Variants in TPTE2 observed in about 807,000 individuals in gnomAD.
TPTE2 encodes phosphatidylinositol 3,4,5-trisphosphate 3-phosphatase TPTE2.
Under a neutral mutation model 78.6 loss-of-function variants are expected in TPTE2, and 53 were observed. That is an observed-to-expected ratio of 0.67 (90% CI 0.54 to 0.85). The LOEUF (loss-of-function observed/expected upper bound fraction) is 0.85. Among genes scored for constraint, TPTE2 ranks in the 40% least tolerant of loss-of-function variants. The pLI, the probability that TPTE2 is intolerant of heterozygous loss-of-function variation, is 0.00. For missense variants in TPTE2, 461 were observed against 623.0 expected, an observed-to-expected ratio of 0.74 and a Z score of 2.77; for synonymous variants, 175 against 206.2, an observed-to-expected ratio of 0.85 and a Z score of 1.30.
chr13:19,517,668 C>T (rs1367233573), intron 1 of TPTE2, among the ~76,000 whole-genome samples: 1 of 152,138 alleles, frequency 6.6e-6, no homozygotes, highest in Non-Finnish European at 1.5e-5. Context: ...GTTTTTACCT[C>T]GTATTGAGAA....
chr13:19,427,760 C>A (rs1200027054), intron 17 of TPTE2, among the ~76,000 whole-genome samples: 1 of 152,014 alleles, frequency 6.6e-6, no homozygotes, highest in African/African-American at 2.4e-5. Flanking sequence ...ATGGAGTGAC[C>A]AAAGATAGCT....
chr13:19,555,803 C>CTTTTTTTT, the TPTE2 span, among the ~76,000 whole-genome samples: 32 of 81,056 alleles, frequency 3.9e-4, 1 homozygote, highest in African/African-American at 9.6e-4. Context: ...CAACAAATTT[C>CTTTTTTTT]TTTTTTTTTT....
upstream of TPTE2, among the ~76,000 whole-genome samples, chr13:19,505,581 CATGT>C (rs1197084954): frequency 6.6e-6 from 1 of 152,050 alleles, no homozygotes; most frequent in Non-Finnish European, 1.5e-5. Flanking sequence ...AAGATATGAC[CATGT>C]AGCTGTAGCC....
chr13:19,516,810 G>GT (rs1171667897), intron 1 of TPTE2, among the ~76,000 whole-genome samples: 57 of 152,190 alleles, frequency 3.7e-4, no homozygotes, highest in African/African-American at 1.3e-3. Context: ...CTAAAATGTC[G>GT]TATTTTTAAG....
intron 4 of TPTE2, among the ~76,000 whole-genome samples, chr13:19,477,783 T>TA (rs909707504): frequency 1.8e-4 from 28 of 152,132 alleles, no homozygotes; most frequent in Non-Finnish European, 2.5e-4. Flanking sequence ...CTTTTTTGGT[T>TA]AAAAAAAGTG....
the TPTE2 span, chr13:19,560,601 G>A: frequency 6.2e-7 from 1 of 1,601,682 alleles, no homozygotes; most frequent in Non-Finnish European, 8.5e-7. Flanking sequence ...AGAGGTCACA[G>A]AGGGTAGCCA....
chr13:19,501,765 C>T (rs996385552), intron 1 of TPTE2, among the ~76,000 whole-genome samples: 1 of 151,764 alleles, frequency 6.6e-6, no homozygotes, highest in African/African-American at 2.4e-5. Flanking sequence ...GTCTAAAACA[C>T]CAAAAGCAAT....
the TPTE2 span, among the ~76,000 whole-genome samples, chr13:19,554,361 C>T: frequency 1.8e-5 from 2 of 113,414 alleles, no homozygotes; most frequent in Admixed American, 1.9e-4. Flanking sequence ...GGCGACAGAG[C>T]AAGATTCTGT....
rs575287099 is a variant in TPTE2 at position 19,450,186 on chromosome 13, T to C, written c.885-22A>G. The C allele has an allele frequency of 2.5e-6, 4 of 1,610,612 alleles. No homozygotes were observed. In the Admixed American group the frequency reaches 6.7e-5, roughly 27 times the overall value. ...CTCACTGATTTCAAGTTTAAGATTT[T>C]TAGTTAAAATATTTTCAAAAAATCA... is the stretch of plus-strand genomic sequence containing the variant. On this transcript the variant is annotated intron_variant, in intron 12 of 19. Transcript: ENST00000400230.
chr13:19,426,348 T>A, intron 18 of TPTE2, 77 bp downstream of exon 21: 2 of 1,043,826 alleles, frequency 1.9e-6, no homozygotes, highest in Non-Finnish European at 3.0e-6. Context: ...TTGTTGGGAA[T>A]TGTAGTAAAG....
At chr13:19,430,901 T>A (rs1054418941) in intron 16 of TPTE2, among the ~76,000 whole-genome samples, 1 of 152,004 alleles carries the variant, frequency 6.6e-6, no homozygotes, top group African/African-American at 2.4e-5. Flanking sequence ...GCGAGGTGGG[T>A]GGATTACTTG....
chr13:19,528,044 T>G (rs1484330772), intron 1 of TPTE2, among the ~76,000 whole-genome samples: 4 of 152,084 alleles, frequency 2.6e-5, no homozygotes, highest in African/African-American at 9.7e-5. Context: ...GTGTGGCAAC[T>G]GCAGTAAGTC....
At chr13:19,497,481 G>A (rs543197532) in intron 1 of TPTE2, among the ~76,000 whole-genome samples, 4 of 103,510 alleles carry the variant, frequency 3.9e-5, no homozygotes, top group East Asian at 2.9e-4. Flanking sequence ...TCCTCAAGTG[G>A]GTCCCTGACC....
chr13:19,479,456 CAA>C (rs1175350559), intron 4 of TPTE2, among the ~76,000 whole-genome samples: 2 of 151,936 alleles, frequency 1.3e-5, no homozygotes, highest in Admixed American at 1.3e-4. Context: ...GGGATAAAAA[CAA>C]ATCAATTAAT....
At chr13:19,465,279 C>G (rs1879191918) in exon 9 of TPTE2, 3 of 1,613,756 alleles carry the variant, frequency 1.9e-6, no homozygotes, top group Admixed American at 1.7e-5. Flanking sequence ...AGGTCTAGGT[C>G]AAATCCATCC....
At chr13:19,464,115 A>G (rs1879108296) in intron 10 of TPTE2, among the ~76,000 whole-genome samples, 1 of 152,172 alleles carries the variant, frequency 6.6e-6, no homozygotes, top group Non-Finnish European at 1.5e-5. Flanking sequence ...TAGACTAGCC[A>G]GTCCTCAGAT....
chr13:19,498,678 C>G (rs1317948129), intron 1 of TPTE2, among the ~76,000 whole-genome samples: 1 of 151,968 alleles, frequency 6.6e-6, no homozygotes, highest in Non-Finnish European at 1.5e-5. Flanking sequence ...CAACCGGTAC[C>G]AGCCACTGCA....
chr13:19,558,691 G>T, the TPTE2 span, among the ~76,000 whole-genome samples: 1 of 152,154 alleles, frequency 6.6e-6, no homozygotes, highest in African/African-American at 2.4e-5. Context: ...TTCCCCTTGT[G>T]ATCAAAACCT....
At position 19,442,451 on chromosome 13, in the gene TPTE2, C is replaced by T. The variant is rs571946498; in HGVS notation, c.974-4298G>A. Among the ~76,000 whole-genome samples, 4 of 151,780 alleles carry T rather than the reference C, an allele frequency of 2.6e-5. No homozygotes were observed. The South Asian group carries it at 6.2e-4, about 24-fold the overall frequency. On this transcript the variant is annotated intron_variant, in intron 13 of 19. Transcript: ENST00000400230. ...CAATTCTTAGAGGAAAACTTGTAGC[C>T]TTAAATCGTAAATAGAAAAGAGAGT...
Sources: allele counts gnomAD v4.1 joint callset (sites outside exome capture counted in the v4.1 genomes callset), GRCh38; gene constraint gnomAD v4.1.1; transcripts MANE v1.5; gene names NCBI Gene and HGNC (gene_info 2026-07-23, HGNC 2026-07-21).